PHTF1: variants seen among roughly 807,000 people sequenced by gnomAD.
PHTF1 encodes the protein putative homeodomain transcription factor 1, also known as protein PHTF1.
In PHTF1, 88 loss-of-function variants were observed where a neutral mutation model predicts 102.4. The observed-to-expected ratio is 0.86, with a 90% CI of 0.72 to 1.03. The LOEUF is 1.03. Ranked by LOEUF, PHTF1 falls within the 50% of genes least tolerant of loss-of-function variation. The pLI, the probability that PHTF1 is intolerant of heterozygous loss-of-function variation, is 0.00. For missense variants in PHTF1, 814 were observed against 909.5 expected (o/e 0.89, Z 1.35); for synonymous variants, 289 against 305.2 (o/e 0.95, Z 0.55).
At chr1:113,738,346 A>C in intron 4 of PHTF1, 78 bp from the exon 5 acceptor site, 1 of 1,082,440 alleles carries the variant, frequency 9.2e-7, no homozygotes, top group Non-Finnish European at 1.4e-6. Flanking sequence ...CTACATTAAA[A>C]ATAGGTGAGT....
intron 11 of PHTF1, among the ~76,000 whole-genome samples, chr1:113,708,365 C>T (rs1030003291): frequency 9.9e-5 from 15 of 152,206 alleles, no homozygotes; most frequent in Admixed American, 8.5e-4. Flanking sequence ...GTGGCTCACG[C>T]CTGTAGTCCC....
rs1168463464 is a variant in PHTF1, at chr1:113,700,866, T to TA, written c.1973dup (p.Leu658PhefsTer10). ...CAGACCCCAGTGAGGCCAGACGCAA[T>TA]AAAAAAAGTAGTAAAGCTGTTTCCC... On this transcript the variant is annotated frameshift_variant, in exon 16 of 19. Transcript: ENST00000369604. LOFTEE classifies it high-confidence loss of function. The TA allele has an allele frequency of 1.5e-5, 24 of 1,611,058 alleles. No homozygotes were observed. The highest frequency in any genetic ancestry group is 1.9e-5 in the Non-Finnish European group (22 of 1,179,146).
chr1:113,743,181 AC>A (rs1479175645), intron 3 of PHTF1, among the ~76,000 whole-genome samples: 2 of 151,904 alleles, frequency 1.3e-5, no homozygotes, highest in African/African-American at 2.4e-5. Context: ...AATTTTTTTA[AC>A]TTTTTTACTC....
intron 18 of PHTF1, among the ~76,000 whole-genome samples, chr1:113,698,053 G>A (rs1648979867): frequency 6.6e-6 from 1 of 152,054 alleles, no homozygotes; most frequent in African/African-American, 2.4e-5. Flanking sequence ...AGCACTGTCT[G>A]TTATATTTGT....
At position 113,700,872 on chromosome 1, in the gene PHTF1, A is replaced by T. The variant is rs765872366; in HGVS notation, c.1968T>A (p.Leu656=). The T allele has an allele frequency of 1.9e-6, 3 of 1,612,832 alleles. No homozygotes were observed. The highest frequency in any genetic ancestry group is 2.5e-6 in the Non-Finnish European group (3 of 1,179,596). ...CCAGTGAGGCCAGACGCAATAAAAA[A>T]AGTAGTAAAGCTGTTTCCCAGATCA... is the stretch of plus-strand genomic sequence containing the variant. ...EFLIWETALL[L]FLLRLASLGS... is the part of the protein sequence containing the mutation. The change falls in exon 16 of 19, where the codon CTT becomes CTA. Residue 656 remains leucine (L), a synonymous_variant. Coordinates refer to ENST00000369604, the MANE Select transcript of PHTF1 (RefSeq NM_001323043.2).
At chr1:113,726,834 A>T (rs115887722) in intron 5 of PHTF1, among the ~76,000 whole-genome samples, 1 of 152,182 alleles carries the variant, frequency 6.6e-6, no homozygotes, top group African/African-American at 2.4e-5. Context: ...AAGGGTTTCC[A>T]CCACAAAAAC....
intron 11 of PHTF1, 76 bp downstream of exon 11, chr1:113,710,177 TA>T (rs1650830910): frequency 1.9e-6 from 2 of 1,053,318 alleles, no homozygotes; most frequent in African/African-American, 3.1e-5. Flanking sequence ...ATTGTAAAGT[TA>T]AATGAGATGA....
chr1:113,698,772 A>G, intron 17 of PHTF1: 1 of 200,272 alleles, frequency 5.0e-6, no homozygotes. Flanking sequence ...CAGCATTTTG[A>G]ATCTACACAG....
In PHTF1 at chr1:113,698,130, CAA is replaced by C. The variant is rs1264990353; in HGVS notation, c.2268+130_2268+131del. ...AATCAAAATGCCTATTTCTTTACCT[CAA>C]GAGTTATTTGCATGCTAGAAACACA... On this transcript the variant is annotated intron_variant, in intron 18 of 18. Coordinates refer to ENST00000369604, the MANE Select transcript of PHTF1 (RefSeq NM_001323043.2). 8 of 700,454 alleles carry C rather than the reference CAA, an allele frequency of 1.1e-5. No homozygotes were observed. In the African/African-American group the frequency reaches 1.3e-4, roughly 11 times the overall value. 43.4% of individuals were successfully genotyped at this position (700,454 alleles called of 1,614,324 possible). A position where few individuals can be genotyped will look rare whatever the true frequency, so the allele number is the denominator to read the frequency against.
Position 113,738,175 on chromosome 1 carries a change from T to C in PHTF1, c.266A>G (p.Asn89Ser), listed in dbSNP as rs111490062. ...VRVVFFPLFS[N>S]WWIQVTSLRI... ...TAAAGAGGTAACCTGAATCCACCAATTGCTGAACAATGGAAAAAATACAAC... is the reference window on the plus strand; with the variant it reads ...TAAAGAGGTAACCTGAATCCACCAACTGCTGAACAATGGAAAAAATACAAC... Residue 89 changes from asparagine (N) to serine (S), a missense_variant, in exon 5 of 19, where the codon AAT becomes AGT. Transcript: ENST00000369604. 440 of 1,613,012 alleles carry C rather than the reference T, an allele frequency of 2.7e-4. No homozygotes were observed. In the African/African-American group the frequency reaches 2.8e-3, roughly 10 times the overall value.
At chr1:113,708,725 C>G (rs1176570242) in intron 11 of PHTF1, among the ~76,000 whole-genome samples, 1 of 152,012 alleles carries the variant, frequency 6.6e-6, no homozygotes, top group Admixed American at 6.5e-5. Flanking sequence ...GAATAGGCTA[C>G]GTGAACAGGA....
chr1:113,698,301 G>A lies in PHTF1; in HGVS notation c.2229C>T (p.Val743=). The A allele has an allele frequency of 6.2e-7, 1 of 1,608,600 alleles. No homozygotes were observed. The highest frequency in any genetic ancestry group is 1.3e-5 in the African/African-American group (1 of 74,890). The stretch of plus-strand genomic sequence containing the variant: ...CTAGAAGATCACTTATAACACCTGA[G>A]ACAGCAGAAAGGATAACTACTCTTG... ...NITRVVILSA[V]SGVISDLLGF... The change falls in exon 18 of 19, where the codon GTC becomes GTT. Residue 743 remains valine (V), a synonymous_variant. Transcript: ENST00000369604.
chr1:113,744,320 T>C (rs1297384975), intron 3 of PHTF1, among the ~76,000 whole-genome samples: 2 of 152,160 alleles, frequency 1.3e-5, no homozygotes, highest in Non-Finnish European at 2.9e-5. Context: ...ATTGATGCAA[T>C]ATAATTGGAC....
chr1:113,715,641 C>T (rs2146019), intron 7 of PHTF1, among the ~76,000 whole-genome samples: 60,622 of 90,662 alleles, frequency 0.67, 19,830 homozygotes, highest in African/African-American at 0.79. Context: ...ACAGTGAAAC[C>T]CTGTCTCAAA....
At chr1:113,700,012 AATG>A (rs1649271656) in intron 16 of PHTF1, 2 of 984,176 alleles carry the variant, frequency 2.0e-6, no homozygotes, top group African/African-American at 3.4e-5. Flanking sequence ...ATGAAAAATT[AATG>A]ATGAAGCAAT....
chr1:113,716,935 T>C (rs4600045), intron 7 of PHTF1, among the ~76,000 whole-genome samples: 113,556 of 152,028 alleles, frequency 0.75, 43,029 homozygotes, highest in African/African-American at 0.83. Context: ...CTGTAATTGT[T>C]ATGTGTAAAC....
At chr1:113,730,944 T>C (rs567921930) in intron 5 of PHTF1, among the ~76,000 whole-genome samples, 1 of 152,348 alleles carries the variant, frequency 6.6e-6, no homozygotes, top group South Asian at 2.1e-4. Context: ...ATTCTGCTTA[T>C]ATGATGTTCC....
Position 113,703,881 on chromosome 1 carries a change from G to A in PHTF1, c.1890+200C>T, listed in dbSNP as rs967151951. On this transcript the variant is annotated intron_variant, in intron 15 of 18. Transcript: ENST00000369604. ...AATAATTACCAACTAAAATTAGAGCGATCTTACAGTTTGAAAGGACTTCAG... is the reference window on the plus strand; with the variant it reads ...AATAATTACCAACTAAAATTAGAGCAATCTTACAGTTTGAAAGGACTTCAG... 8 of 484,868 alleles carry A rather than the reference G, an allele frequency of 1.6e-5. 1 individual carries two copies. The South Asian group carries it at 2.2e-4, about 13-fold the overall frequency. The allele number at this position is 484,868 out of a possible 1,614,324, so 30.0% of individuals were successfully genotyped here. A position where few individuals can be genotyped will look rare whatever the true frequency, so the allele number is the denominator to read the frequency against.
intron 7 of PHTF1, among the ~76,000 whole-genome samples, chr1:113,715,648 CAAAAAAAAAA>C (rs60517410): frequency 3.6e-4 from 9 of 24,964 alleles, no homozygotes; most frequent in Admixed American, 1.6e-3. Context: ...AACCCTGTCT[CAAAAAAAAAA>C]AAAAAAAAAA....
Sources: allele counts gnomAD v4.1 joint callset (sites outside exome capture counted in the v4.1 genomes callset), GRCh38; gene constraint gnomAD v4.1.1; transcripts MANE v1.5; gene names NCBI Gene and HGNC (gene_info 2026-07-23, HGNC 2026-07-21).